Variants in FAM149A observed in about 807,000 individuals in gnomAD.
FAM149A encodes family with sequence similarity 149 member A, also known as protein FAM149A.
In FAM149A, 71 loss-of-function variants were observed where a neutral mutation model predicts 78.2. That is an observed-to-expected ratio of 0.91 (90% CI 0.75 to 1.11). The LOEUF (loss-of-function observed/expected upper bound fraction) is 1.11. Ranked by LOEUF, FAM149A falls within the 50% of genes least tolerant of loss-of-function variation. The pLI, the probability that FAM149A is intolerant of heterozygous loss-of-function variation, is 0.00. For missense variants in FAM149A, 1,036 were observed against 971.0 expected (o/e 1.07, Z -0.89); for synonymous variants, 446 against 410.5 (o/e 1.09, Z -1.04).
intron 8 of FAM149A, chr4:186,158,666 C>T: frequency 1.8e-6 from 2 of 1,086,192 alleles, no homozygotes; most frequent in Non-Finnish European, 2.2e-6. Context: ...GGAGACCCAG[C>T]CCCTGCACGC....
intron 1 of FAM149A, among the ~76,000 whole-genome samples, chr4:186,141,436 A>G: frequency 6.6e-6 from 1 of 152,358 alleles, no homozygotes; most frequent in East Asian, 1.9e-4. Context: ...AAATGTGGAT[A>G]CTAGAAAATT....
chr4:186,107,208 C>T (rs908761092), intron 1 of FAM149A, among the ~76,000 whole-genome samples: 1 of 152,150 alleles, frequency 6.6e-6, no homozygotes, highest in African/African-American at 2.4e-5. Flanking sequence ...AGTCTTAGTG[C>T]TTTTAACAAA....
At chr4:186,125,271 T>G (rs2126316021) in intron 1 of FAM149A, 1 of 985,428 alleles carries the variant, frequency 1.0e-6, no homozygotes, top group South Asian at 4.7e-5. Context: ...GCTTGTTGTT[T>G]TGTGATATGT....
chr4:186,137,283 C>T (rs1409752961), intron 1 of FAM149A, among the ~76,000 whole-genome samples: 1 of 151,650 alleles, frequency 6.6e-6, no homozygotes, highest in East Asian at 1.9e-4. Context: ...AGAGTAGCCA[C>T]CTTTCAGGTG....
In FAM149A at chr4:186,104,959, T is replaced by A; in HGVS notation, c.-118T>A. ...CGGGGAGGAGAGGGAGCCAGGGGCC[T>A]CCGGGGCTCCGGGTGCGGGGACCTC... On this transcript the variant is annotated 5_prime_UTR_variant, in exon 1 of 14. Coordinates refer to ENST00000389354, the MANE Select transcript of FAM149A (RefSeq NM_001367768.3). The A allele has an allele frequency of 8.5e-7, 1 of 1,174,838 alleles. No homozygotes were observed. Among genetic ancestry groups the A allele is most frequent in the Non-Finnish European group, 1.1e-6 (1 of 939,786 alleles). The allele number at this position is 1,174,838 out of a possible 1,614,324, so 72.8% of individuals were successfully genotyped here. A position where few individuals can be genotyped will look rare whatever the true frequency, so the allele number is the denominator to read the frequency against.
At chr4:186,130,283 C>A (rs1198248221) in intron 1 of FAM149A, 6 of 40,472 alleles carry the variant, frequency 1.5e-4, no homozygotes, top group African/African-American at 6.6e-4. Context: ...CTCTCTCTCT[C>A]TCTCTCTCTC....
intron 1 of FAM149A, among the ~76,000 whole-genome samples, chr4:186,142,666 G>A (rs1290184938): frequency 6.6e-6 from 1 of 152,188 alleles, no homozygotes; most frequent in Non-Finnish European, 1.5e-5. Flanking sequence ...GGACCACTCA[G>A]AGAAGTGTTG....
At position 186,172,728 on chromosome 4, in the gene FAM149A, C is replaced by A. The variant is rs1215267295; in HGVS notation, c.*741C>A. The A allele has an allele frequency of 6.3e-5, 7 of 111,778 alleles. 2 individuals are homozygous for A. Among genetic ancestry groups the A allele is most frequent in the Admixed American group, 1.7e-4 (2 of 11,472 alleles). 6.9% of individuals were successfully genotyped at this position (111,778 alleles called of 1,614,324 possible). A position where few individuals can be genotyped will look rare whatever the true frequency, so the allele number is the denominator to read the frequency against. On this transcript the variant is annotated 3_prime_UTR_variant, in exon 14 of 14. Coordinates refer to ENST00000389354, the MANE Select transcript of FAM149A (RefSeq NM_001367768.3). The stretch of plus-strand genomic sequence containing the variant: ...CCTCCATGGGAGGGGAGCCTCCCAC[C>A]CTCCACGTGCCATCAGGAGCTGGCC...
At position 186,144,896 on chromosome 4, in the gene FAM149A, C is replaced by A; in HGVS notation, c.567-4277C>A. The A allele has an allele frequency of 1.0e-6, 1 of 970,764 alleles. No homozygotes were observed. Among genetic ancestry groups the A allele is most frequent in the Non-Finnish European group, 1.2e-6 (1 of 823,458 alleles). The allele number at this position is 970,764 out of a possible 1,614,324, so 60.1% of individuals were successfully genotyped here. ...GAGCCCCGCGGACCCCGGGCGCGCCCGGGCCGCCTGAGCTGGGCCAGCCGC... is the reference window on the plus strand; with the variant it reads ...GAGCCCCGCGGACCCCGGGCGCGCCAGGGCCGCCTGAGCTGGGCCAGCCGC... On this transcript the variant is annotated intron_variant, in intron 1 of 13. Transcript: ENST00000389354. This position sits in a 1 kb window ranked among gnomAD's most constrained non-coding sequence, Gnocchi z 4.2.
At chr4:186,128,833 A>G (rs1278938395) in intron 1 of FAM149A, among the ~76,000 whole-genome samples, 1 of 151,802 alleles carries the variant, frequency 6.6e-6, no homozygotes, top group Non-Finnish European at 1.5e-5. Context: ...GTCTGTGTGT[A>G]TGTGCATGTG....
intron 1 of FAM149A, among the ~76,000 whole-genome samples, chr4:186,136,990 C>CTCTCTCTCTCTCTCTCTCTCTCTCTT (rs2099323466): frequency 1.1e-5 from 1 of 92,798 alleles, no homozygotes; most frequent in African/African-American, 3.2e-5. Flanking sequence ...CTCTCTCTCT[C>CTCTCTCTCTCTCTCTCTCTCTCTCTT]TCTCTCTCTC....
chr4:186,112,217 G>A (rs1390344672), intron 1 of FAM149A, among the ~76,000 whole-genome samples: 2 of 151,066 alleles, frequency 1.3e-5, no homozygotes, highest in African/African-American at 4.9e-5. Flanking sequence ...TGGTGTATAA[G>A]AATGCTTGTG....
chr4:186,113,530 T>G lies in FAM149A; in HGVS notation c.566+7888T>G, dbSNP rs1489406308. On this transcript the variant is annotated intron_variant, in intron 1 of 13. Transcript: ENST00000389354. ...TTTCCTGCTTTCTCTTCTGGGCATT[T>G]AGTGCTATAAATTTCCCTCTGCACA... 3.3e-5 allele frequency among the ~76,000 whole-genome samples: 4 copies of G among 121,664 alleles called. No homozygotes were observed. The East Asian group carries it at 9.6e-4, about 29-fold the overall frequency. The allele number at this position is 121,664 out of a possible 152,430, so 79.8% of individuals were successfully genotyped here.
In FAM149A at chr4:186,127,570, G is replaced by A. The variant is rs191590882; in HGVS notation, c.567-21603G>A. ...CCATCAGAGGATGACATGTCCATGC[G>A]AGAAGCAGTTTCATGAGTGTTTGTT... On this transcript the variant is annotated intron_variant, in intron 1 of 13. Transcript: ENST00000389354. 6.4e-5 allele frequency: 63 copies of A among 985,438 alleles called. No homozygotes were observed. In the East Asian group the frequency reaches 3.0e-3, roughly 46 times the overall value. The allele number at this position is 985,438 out of a possible 1,614,324, so 61.0% of individuals were successfully genotyped here. A position where few individuals can be genotyped will look rare whatever the true frequency, so the allele number is the denominator to read the frequency against.
chr4:186,108,896 G>A (rs1475471667), intron 1 of FAM149A, among the ~76,000 whole-genome samples: 3 of 149,098 alleles, frequency 2.0e-5, no homozygotes, highest in Non-Finnish European at 3.0e-5. Context: ...CGCCCAGGCT[G>A]GAGTGCAGTG....
chr4:186,167,140 G>GA (rs1329770812), intron 12 of FAM149A, 44 bp downstream of exon 12: 1 of 1,601,436 alleles, frequency 6.2e-7, no homozygotes, highest in South Asian at 1.1e-5. Context: ...AAAAACATTT[G>GA]AAAAAAATGA....
chr4:186,159,660 G>C (rs1561412814), intron 8 of FAM149A, among the ~76,000 whole-genome samples: 3 of 152,080 alleles, frequency 2.0e-5, no homozygotes. Context: ...ATACCCAAGA[G>C]CTCCTACTAC....
intron 1 of FAM149A, among the ~76,000 whole-genome samples, chr4:186,141,245 C>T (rs1226627726): frequency 6.6e-6 from 1 of 151,950 alleles, no homozygotes; most frequent in African/African-American, 2.4e-5. Context: ...GATATTAGAC[C>T]TTTGTTGGAT....
intron 1 of FAM149A, among the ~76,000 whole-genome samples, chr4:186,119,710 T>C (rs2099315168): frequency 2.0e-5 from 3 of 152,342 alleles, no homozygotes; most frequent in Admixed American, 2.0e-4. Flanking sequence ...ATCAGGCTTT[T>C]AAAGTTAATA....
Sources: gnomAD v4.1 joint callset for allele counts (sites outside exome capture counted in the v4.1 genomes callset) on GRCh38, gnomAD v4.1.1 for gene constraint, Gnocchi (gnomAD v3.1) non-coding constraint, MANE v1.5 for transcripts, NCBI Gene and HGNC (gene_info 2026-07-23, HGNC 2026-07-21) for gene names.